The following CNRIP1 variants were observed in gnomAD, a reference collection of about 807,000 sequenced individuals.
CNRIP1 encodes the protein cannabinoid receptor interacting protein 1.
In CNRIP1, 10 loss-of-function variants were observed where a neutral mutation model predicts 15.2. That is an observed-to-expected ratio of 0.66 (90% CI 0.41 to 1.12). CNRIP1 has a LOEUF of 1.12. Ranked by LOEUF, CNRIP1 falls within the 50% of genes most tolerant of loss-of-function variation. The probability of loss-of-function intolerance (pLI) is 0.00; values close to 1 mark genes in which losing one functional copy is unlikely to be tolerated. For missense variants in CNRIP1, 211 were observed against 214.7 expected, an observed-to-expected ratio of 0.98 and a Z score of 0.11; for synonymous variants, 91 against 83.2, an observed-to-expected ratio of 1.09 and a Z score of -0.51.
At chr2:68,304,572 T>C (rs951525379) in intron 2 of CNRIP1, among the ~76,000 whole-genome samples, 3 of 152,014 alleles carry the variant, frequency 2.0e-5, no homozygotes, top group African/African-American at 4.8e-5. Context: ...GACAGTTGAT[T>C]GTTCCCCACC....
chr2:68,295,319 A>G (rs1466262406), intron 2 of CNRIP1, among the ~76,000 whole-genome samples: 1 of 152,218 alleles, frequency 6.6e-6, no homozygotes, highest in Non-Finnish European at 1.5e-5. Flanking sequence ...ATTTGATCCC[A>G]AAACAAGATC....
At chr2:68,284,965 A>G (rs1007695612) in intron 2 of CNRIP1, among the ~76,000 whole-genome samples, 1 of 152,230 alleles carries the variant, frequency 6.6e-6, no homozygotes, top group African/African-American at 2.4e-5. Flanking sequence ...AATAGCCACT[A>G]TTTAGCCAGG....
chr2:68,292,670 A>G (rs1279633028), downstream of CNRIP1, among the ~76,000 whole-genome samples: 1 of 152,202 alleles, frequency 6.6e-6, no homozygotes, highest in East Asian at 1.9e-4. Flanking sequence ...GGAGGCCTCA[A>G]CCATGATGTA....
intron 1 of CNRIP1, 125 bp from the exon 2 acceptor site, chr2:68,317,432 G>A (rs113853476): frequency 2.0e-6 from 2 of 992,462 alleles, no homozygotes; most frequent in South Asian, 1.6e-5. Flanking sequence ...TGGTGCGGGA[G>A]AAAGTTCTGC....
At chr2:68,304,138 C>A (rs1329963689) in intron 2 of CNRIP1, among the ~76,000 whole-genome samples, 1 of 151,566 alleles carries the variant, frequency 6.6e-6, no homozygotes, top group Non-Finnish European at 1.5e-5. Flanking sequence ...CCTGTAATCC[C>A]AGCACTTTGG....
intron 1 of CNRIP1, among the ~76,000 whole-genome samples, chr2:68,318,265 A>C (rs1672352656): frequency 6.6e-6 from 1 of 152,124 alleles, no homozygotes; most frequent in South Asian, 2.1e-4. Flanking sequence ...CGTAAGCTAT[A>C]AGTAGTATCT....
intron 2 of CNRIP1, among the ~76,000 whole-genome samples, chr2:68,302,918 C>T (rs1455794339): frequency 1.4e-5 from 2 of 145,166 alleles, no homozygotes; most frequent in African/African-American, 5.2e-5. Flanking sequence ...GCGATCTCGG[C>T]TCACTGCAGG....
At chr2:68,297,670 G>C (rs1263185274) in intron 2 of CNRIP1, among the ~76,000 whole-genome samples, 1 of 145,084 alleles carries the variant, frequency 6.9e-6, no homozygotes, top group East Asian at 2.0e-4. Flanking sequence ...AACTTTTAAA[G>C]AGATACTATT....
intron 2 of CNRIP1, among the ~76,000 whole-genome samples, chr2:68,304,645 CAG>C (rs1357008887): frequency 9.5e-4 from 135 of 141,756 alleles, no homozygotes; most frequent in Admixed American, 1.3e-3. Context: ...TTTTTTGAGA[CAG>C]AGTCTCGCTC....
In CNRIP1 at chr2:68,293,780, A is replaced by G. The variant is rs939011505; in HGVS notation, c.*82T>C. ...AGATGGGGAACAGCAATGGTGTGGCATGCCTTGTTTAAGGCCTGCGCTGGT... is the reference window on the plus strand; with the variant it reads ...AGATGGGGAACAGCAATGGTGTGGCGTGCCTTGTTTAAGGCCTGCGCTGGT... On this transcript the variant is annotated 3_prime_UTR_variant, in exon 3 of 3. Transcript: ENST00000263655. 22 of 1,550,382 alleles carry G rather than the reference A, an allele frequency of 1.4e-5. No individual in the cohort carries two copies. The highest frequency in any genetic ancestry group is 1.1e-4 in the Admixed American group (6 of 53,414).
In CNRIP1 at chr2:68,319,910, A is replaced by G. The variant is rs1672438798; in HGVS notation, c.-510T>C. ...TATGCCAAGGAGCGAGACCCCCGGAATCTGGATACCGCCTCGGCCAGCTAC... is the reference window on the plus strand; with the variant it reads ...TATGCCAAGGAGCGAGACCCCCGGAGTCTGGATACCGCCTCGGCCAGCTAC... On this transcript the variant is annotated 5_prime_UTR_variant, in exon 1 of 3. Coordinates refer to ENST00000263655, the MANE Select transcript of CNRIP1 (RefSeq NM_015463.3). 1 of 152,488 alleles carries G rather than the reference A, an allele frequency of 6.6e-6. No individual in the cohort carries two copies. Among genetic ancestry groups the G allele is most frequent in the Non-Finnish European group, 1.5e-5 (1 of 68,260 alleles). 9.4% of individuals were successfully genotyped at this position (152,488 alleles called of 1,614,324 possible).
At chr2:68,297,819 G>A (rs1242991801) in intron 2 of CNRIP1, among the ~76,000 whole-genome samples, 2 of 152,054 alleles carry the variant, frequency 1.3e-5, no homozygotes, top group Admixed American at 1.3e-4. Context: ...ATGATTCAAG[G>A]AAATGCTTAG....
chr2:68,318,598 A>T (rs1672367388), intron 1 of CNRIP1, among the ~76,000 whole-genome samples: 1 of 152,200 alleles, frequency 6.6e-6, no homozygotes, highest in Non-Finnish European at 1.5e-5. Flanking sequence ...CAGGAGAAAA[A>T]GAACAGCATA....
chr2:68,295,877 A>G (rs1301859275), intron 2 of CNRIP1, among the ~76,000 whole-genome samples: 2 of 152,236 alleles, frequency 1.3e-5, no homozygotes, highest in Admixed American at 6.5e-5. Flanking sequence ...AGATGAGTCC[A>G]TTTATTACAT....
chr2:68,311,207 G>A (rs992269000), intron 2 of CNRIP1, among the ~76,000 whole-genome samples: 2 of 151,916 alleles, frequency 1.3e-5, no homozygotes, highest in African/African-American at 4.8e-5. Flanking sequence ...CCCCAAGGGG[G>A]GAAAAACCAG....
At chr2:68,303,014 AT>A (rs1220361249) in intron 2 of CNRIP1, among the ~76,000 whole-genome samples, 1 of 151,592 alleles carries the variant, frequency 6.6e-6, no homozygotes, top group Non-Finnish European at 1.5e-5. Context: ...CGCCCGGCTA[AT>A]TTTTTGTATT....
chr2:68,302,217 G>A (rs1671637788), intron 2 of CNRIP1, among the ~76,000 whole-genome samples: 1 of 152,004 alleles, frequency 6.6e-6, no homozygotes, highest in African/African-American at 2.4e-5. Context: ...ATAATTTGTT[G>A]TATAAAGTCA....
Position 68,319,401 on chromosome 2 carries a change from G to T in CNRIP1, c.-1C>A. 6.4e-7 allele frequency: 1 copy of T among 1,562,970 alleles called. No individual in the cohort carries two copies. On this transcript the variant is annotated 5_prime_UTR_variant, in exon 1 of 3. Transcript: ENST00000263655. ...GCACGAGGCCCGGCAGGTCCCCCAT[G>T]TCTGGGCGAGGGTCTGGCGCGGCGG...
chr2:68,295,281 T>A (rs1209894084), intron 2 of CNRIP1, among the ~76,000 whole-genome samples: 1 of 152,190 alleles, frequency 6.6e-6, no homozygotes, highest in Non-Finnish European at 1.5e-5. Context: ...CTCAAAATTA[T>A]ATCTTGCACC....
Sources: allele counts gnomAD v4.1 joint callset (sites outside exome capture counted in the v4.1 genomes callset), GRCh38; gene constraint gnomAD v4.1.1; transcripts MANE v1.5; gene names NCBI Gene and HGNC (gene_info 2026-07-23, HGNC 2026-07-21).